Variants in CASZ1 observed in about 807,000 individuals in gnomAD.
CASZ1 encodes zinc finger protein castor homolog 1.
Under a neutral mutation model 135.2 loss-of-function variants are expected in CASZ1, and 28 were observed. That is an observed-to-expected ratio of 0.21 (90% CI 0.15 to 0.28). The LOEUF is 0.28. Among genes scored for constraint, CASZ1 ranks in the 10% least tolerant of loss-of-function variants. CASZ1 has a pLI of 1.00. For missense variants in CASZ1, 2,161 were observed against 2,453.3 expected, an observed-to-expected ratio of 0.88 and a Z score of 2.52; for synonymous variants, 1,068 against 1,073.4, an observed-to-expected ratio of 0.99 and a Z score of 0.10.
rs1408280091 is a variant in CASZ1, at chr1:10,739,697, G to C, written c.-77+21004C>G. Among the ~76,000 whole-genome samples, 1 of 152,226 alleles carries C rather than the reference G, an allele frequency of 6.6e-6. No homozygotes were observed. The highest frequency in any genetic ancestry group is 2.4e-5 in the African/African-American group (1 of 41,464). On this transcript the variant is annotated intron_variant, in intron 2 of 20. Coordinates refer to ENST00000377022, the MANE Select transcript of CASZ1 (RefSeq NM_001079843.3). This position sits in a 1 kb window ranked among gnomAD's most constrained non-coding sequence, Gnocchi z 4.8. Reference sequence around the variant, plus strand: ...CAAATGTCCCGGCCAGGGTGGCTCTGTGTCAAAGGCCCTGCAGCTCCTCCC... The same window carrying C: ...CAAATGTCCCGGCCAGGGTGGCTCTCTGTCAAAGGCCCTGCAGCTCCTCCC...
In CASZ1 at chr1:10,699,467, G is replaced by A. The variant is rs1639014165; in HGVS notation, c.-23-5555C>T. Among the ~76,000 whole-genome samples, 1 of 152,188 alleles carries A rather than the reference G, an allele frequency of 6.6e-6. No individual in the cohort carries two copies. Among genetic ancestry groups the A allele is most frequent in the Non-Finnish European group, 1.5e-5 (1 of 68,036 alleles). On this transcript the variant is annotated intron_variant, in intron 3 of 20. Transcript: ENST00000377022. This position sits in a 1 kb window ranked among gnomAD's most constrained non-coding sequence, Gnocchi z 4.6. ...GGGGGCATAAAGTGACCCAAGGTCT[G>A]AAAGCCAAGGTAGGTTGTTGGGTGG...
chr1:10,643,104 G>A (rs376792471), intron 19 of CASZ1, 56 bp downstream of exon 19: 3 of 1,599,088 alleles, frequency 1.9e-6, no homozygotes, highest in East Asian at 2.2e-5. Context: ...GTGAGCGTGG[G>A]ACCATGATGC....
At chr1:10,688,944 A>C (rs1250067723) in intron 4 of CASZ1, among the ~76,000 whole-genome samples, 1 of 152,058 alleles carries the variant, frequency 6.6e-6, no homozygotes, top group Non-Finnish European at 1.5e-5. Flanking sequence ...CACGGGCGGT[A>C]ATTACTACAG....
intron 1 of CASZ1, among the ~76,000 whole-genome samples, chr1:10,764,069 G>A (rs930101813): frequency 3.3e-5 from 5 of 152,198 alleles, no homozygotes; most frequent in Admixed American, 6.5e-5. Context: ...TACCAGATTA[G>A]CCAGACTGGT....
chr1:10,784,842 A>G (rs1278096860), intron 1 of CASZ1, among the ~76,000 whole-genome samples: 1 of 152,158 alleles, frequency 6.6e-6, no homozygotes, highest in Non-Finnish European at 1.5e-5. Flanking sequence ...CTGGTATTAC[A>G]AGCATGAACC....
intron 1 of CASZ1, among the ~76,000 whole-genome samples, chr1:10,789,895 T>TAAAC (rs1557573714): frequency 6.6e-6 from 1 of 152,216 alleles, no homozygotes; most frequent in Non-Finnish European, 1.5e-5. Context: ...GATTAATTTT[T>TAAAC]GCAGAATTTA....
At position 10,648,106 on chromosome 1, in the gene CASZ1, T is replaced by G; in HGVS notation, c.3192A>C (p.Lys1064Asn). The change falls in exon 16 of 21, where the codon AAA (lysine) becomes AAC (asparagine). Residue 1064 changes from lysine to asparagine, a missense_variant. Around this residue, in one of 7 missense-constraint regions of CASZ1, gnomAD observed 349 missense variants for 460.8 expected, o/e 0.76. Coordinates refer to ENST00000377022, the MANE Select transcript of CASZ1 (RefSeq NM_001079843.3). ...CCGGAAAGGCAGCCTCTGTGTTTCC[T>G]TTTGCTGCTCCTCCCTCTGTCCGGA... ...FHFRTEGGAAKGNTEAAFPAS... is the reference protein window; with the variant it reads ...FHFRTEGGAANGNTEAAFPAS... 6.4e-7 allele frequency: 1 copy of G among 1,553,398 alleles called. No individual in the cohort carries two copies. Among genetic ancestry groups the G allele is most frequent in the Non-Finnish European group, 8.7e-7 (1 of 1,150,510 alleles).
In CASZ1 at chr1:10,660,484, G is replaced by A. The variant is rs1198965266; in HGVS notation, c.558C>T (p.Leu186=). 5.0e-6 allele frequency: 8 copies of A among 1,613,910 alleles called. No individual in the cohort carries two copies. Among genetic ancestry groups the A allele is most frequent in the African/African-American group, 1.3e-5 (1 of 74,926 alleles). ...TCTGGTCATCATAGCCAAACATGCCGAGGAACTCGGTCATGGTGGAGGCCG... is the reference window on the plus strand; with the variant it reads ...TCTGGTCATCATAGCCAAACATGCCAAGGAACTCGGTCATGGTGGAGGCCG... ...DYAASTMTEF[L]GMFGYDDQNT... The change falls in exon 6 of 21, where the codon CTC becomes CTT. Residue 186 remains leucine, a synonymous_variant. Coordinates refer to ENST00000377022, the MANE Select transcript of CASZ1 (RefSeq NM_001079843.3).
rs777968660 is a variant in CASZ1 at position 10,660,411 on chromosome 1, C to A, written c.631G>T (p.Ala211Ser). 4.3e-6 allele frequency: 7 copies of A among 1,614,170 alleles called. No homozygotes were observed. The South Asian group carries it at 7.7e-5, about 18-fold the overall frequency. ...ARKISFEKLH[A>S]GSTPEAATSS... ...GTGGCTGCCTCCGGGGTGGAGCCCG[C>A]GTGCAGCTTCTCAAAGCTGATCTTC... Residue 211 changes from alanine to serine, a missense_variant, in exon 6 of 21, where the codon GCG becomes TCG. By Grantham distance (99) the Ala-to-Ser change is moderately conservative. Around this residue, in one of 7 missense-constraint regions of CASZ1, gnomAD observed 590 missense variants for 609.8 expected, o/e 0.97. Coordinates refer to ENST00000377022, the MANE Select transcript of CASZ1 (RefSeq NM_001079843.3).
chr1:10,683,055 T>A (rs1250815095), intron 4 of CASZ1, among the ~76,000 whole-genome samples: 1 of 152,232 alleles, frequency 6.6e-6, no homozygotes, highest in South Asian at 2.1e-4. Context: ...CACCAATCTG[T>A]CTGCTTAAAC....
Position 10,674,901 on chromosome 1 carries a change from C to T in CASZ1, c.17-9330G>A, listed in dbSNP as rs531232651. Reference sequence around the variant, plus strand: ...ACCAGTGGGCAGCCCAAGAAGGTCCCCATGGGTCCCTGGGCCCTCTGTCGT... The same window carrying T: ...ACCAGTGGGCAGCCCAAGAAGGTCCTCATGGGTCCCTGGGCCCTCTGTCGT... On this transcript the variant is annotated intron_variant, in intron 4 of 20. Transcript: ENST00000377022. Among the ~76,000 whole-genome samples the T allele has an allele frequency of 7.5e-3, 1,146 of 152,352 alleles. 9 individuals carry two copies. The highest frequency in any genetic ancestry group is 0.041 in the Middle Eastern group (12 of 292).
chr1:10,659,971 G>C lies in CASZ1; in HGVS notation c.1071C>G (p.Pro357=). 1 of 1,613,412 alleles carries C rather than the reference G, an allele frequency of 6.2e-7. No individual in the cohort carries two copies. The highest frequency in any genetic ancestry group is 1.3e-5 in the African/African-American group (1 of 75,044). Residue 357 remains proline, a synonymous_variant, in exon 6 of 21, where the codon CCC becomes CCG. Transcript: ENST00000377022. ...LHLFKPGEGS[P]DMGGAIAFKT... is the part of the protein sequence containing the mutation. ...TGAAGGCGATGGCCCCGCCCATGTC[G>C]GGGCTGCCCTCCCCGGGTTTGAAGA...
intron 2 of CASZ1, among the ~76,000 whole-genome samples, chr1:10,746,988 C>T (rs1294096071): frequency 6.6e-6 from 1 of 152,240 alleles, no homozygotes; most frequent in South Asian, 2.1e-4. Flanking sequence ...ATCATGTGGG[C>T]AAGATGGATG....
chr1:10,713,456 G>A (rs1304293023), intron 2 of CASZ1, among the ~76,000 whole-genome samples: 1 of 152,164 alleles, frequency 6.6e-6, no homozygotes, highest in East Asian at 1.9e-4. Context: ...TACAATTTAA[G>A]AGTCATTAGA....
chr1:10,648,762 TGCCCCTCTG>T, intron 15 of CASZ1: 1 of 351,220 alleles, frequency 2.8e-6, no homozygotes. Flanking sequence ...CTGGGCTCTG[TGCCCCTCTG>T]GCCTGCTCTG....
At chr1:10,783,245 AAGTG>A (rs1372033487) in intron 1 of CASZ1, among the ~76,000 whole-genome samples, 217 of 74,864 alleles carry the variant, frequency 2.9e-3, no homozygotes, top group African/African-American at 9.0e-3. Flanking sequence ...GCCAGTGGAG[AAGTG>A]TGTGTGTGTG....
intron 13 of CASZ1, chr1:10,649,929 CG>C (rs1179975817): frequency 2.7e-4 from 29 of 108,814 alleles, no homozygotes; most frequent in African/African-American, 1.0e-3. Context: ...CTGCAGCGGC[CG>C]GGAGGGGGTC....
At chr1:10,705,085 C>T (rs906086788) in intron 3 of CASZ1, among the ~76,000 whole-genome samples, 2 of 152,202 alleles carry the variant, frequency 1.3e-5, no homozygotes, top group Non-Finnish European at 2.9e-5. Context: ...CCATGCGGTT[C>T]TTGAGGCAGA....
At position 10,756,121 on chromosome 1, in the gene CASZ1, G is replaced by T. The variant is rs369356982; in HGVS notation, c.-77+4580C>A. Among the ~76,000 whole-genome samples, 1 of 152,100 alleles carries T rather than the reference G, an allele frequency of 6.6e-6. No homozygotes were observed. The highest frequency in any genetic ancestry group is 2.4e-5 in the African/African-American group (1 of 41,482). On this transcript the variant is annotated intron_variant, in intron 2 of 20. Coordinates refer to ENST00000377022, the MANE Select transcript of CASZ1 (RefSeq NM_001079843.3). This position sits in a 1 kb window ranked among gnomAD's most constrained non-coding sequence, Gnocchi z 5.9. ...AGGAAGACTGGCTGACACGCCCCTC[G>T]GAGCCAGGCAGAGGCACCAGCTGTA... is the stretch of plus-strand genomic sequence containing the variant.
Sources: gnomAD v4.1 joint callset for allele counts (sites outside exome capture counted in the v4.1 genomes callset) on GRCh38, gnomAD v4.1.1 for gene constraint, gnomAD v4.1.1 regional missense constraint, Gnocchi (gnomAD v3.1) non-coding constraint, MANE v1.5 for transcripts, NCBI Gene and HGNC (gene_info 2026-07-23, HGNC 2026-07-21) for gene names.